The following EPB41L3 variants were observed in gnomAD, a reference collection of about 807,000 sequenced individuals.
EPB41L3 encodes the protein erythrocyte membrane protein band 4.1 like 3.
EPB41L3 carries 57 observed loss-of-function variants against 127.1 expected under a neutral mutation model. The ratio of observed to expected loss-of-function variants is 0.45; its 90% CI spans 0.36 to 0.56. EPB41L3 has a LOEUF of 0.56. Ranked by LOEUF, EPB41L3 falls within the 20% of genes least tolerant of loss-of-function variation. EPB41L3 has a pLI of 0.00. For missense variants in EPB41L3, 1,273 were observed against 1,372.2 expected, an observed-to-expected ratio of 0.93 and a Z score of 1.14; for synonymous variants, 572 against 549.5, an observed-to-expected ratio of 1.04 and a Z score of -0.57.
Position 5,445,560 on chromosome 18 carries a change from T to G in EPB41L3, c.382-316A>C, listed in dbSNP as rs77757897. On this transcript the variant is annotated intron_variant, in intron 3 of 22. Coordinates refer to ENST00000341928, the MANE Select transcript of EPB41L3 (RefSeq NM_012307.5). ...GCAACTGGGGAAAATAATGTGATGC[T>G]TGGAAGCCTAAATATGTGAAACATA... Among the ~76,000 whole-genome samples, 584 of 152,324 alleles carry G rather than the reference T, an allele frequency of 3.8e-3. 5 individuals carry two copies. Among genetic ancestry groups the G allele is most frequent in the African/African-American group, 0.014 (563 of 41,566 alleles).
At chr18:5,431,471 C>T (rs971488727) in intron 8 of EPB41L3, 1 of 152,090 alleles carries the variant, frequency 6.6e-6, no homozygotes, top group Non-Finnish European at 1.5e-5. Flanking sequence ...GTTGCGCTTG[C>T]TTAATTCTTT....
At chr18:5,496,930 T>G (rs989399645) in intron 1 of EPB41L3, among the ~76,000 whole-genome samples, 1 of 152,200 alleles carries the variant, frequency 6.6e-6, no homozygotes, top group Non-Finnish European at 1.5e-5. Flanking sequence ...AAATAAAAAG[T>G]GTCAGAGATA....
At position 5,607,435 on chromosome 18, in the gene EPB41L3, T is replaced by G. The variant is rs186641153; in HGVS notation, c.-306+4905A>C. 1.2e-4 allele frequency among the ~76,000 whole-genome samples: 18 copies of G among 152,282 alleles called. No individual in the cohort carries two copies. In the East Asian group the frequency reaches 3.5e-3, roughly 29 times the overall value. On this transcript the variant is annotated intron_variant, in intron 3 of 21. Transcript: ENST00000545076. ...CTTGAAAGAGGCAAGCAAGACGAGCTGACCAAGATAATTCTCTGCTTTTCA... is the reference window on the plus strand; with the variant it reads ...CTTGAAAGAGGCAAGCAAGACGAGCGGACCAAGATAATTCTCTGCTTTTCA...
At chr18:5,457,963 G>A (rs895974002) in intron 3 of EPB41L3, among the ~76,000 whole-genome samples, 2 of 152,118 alleles carry the variant, frequency 1.3e-5, no homozygotes, top group African/African-American at 4.8e-5. Context: ...TGTGGTCGGG[G>A]TAGCCTACCT....
chr18:5,536,052 T>C (rs1208349248), intron 1 of EPB41L3, among the ~76,000 whole-genome samples: 3 of 152,040 alleles, frequency 2.0e-5, no homozygotes, highest in African/African-American at 4.8e-5. Context: ...AAGAGGCACA[T>C]GGGAGAATGA....
chr18:5,456,665 T>C (rs1026819868), intron 3 of EPB41L3, among the ~76,000 whole-genome samples: 1 of 152,272 alleles, frequency 6.6e-6, no homozygotes, highest in African/African-American at 2.4e-5. Flanking sequence ...TAATACCCTG[T>C]TTGAGCCACT....
chr18:5,630,134 C>T (rs991575220), upstream of EPB41L3, among the ~76,000 whole-genome samples: 39 of 152,324 alleles, frequency 2.6e-4, no homozygotes, highest in African/African-American at 9.4e-4. Context: ...GGCGCAAGCC[C>T]TCTGTCCCCC....
At chr18:5,406,044 A>T (rs2143827048) in intron 16 of EPB41L3, among the ~76,000 whole-genome samples, 1 of 152,216 alleles carries the variant, frequency 6.6e-6, no homozygotes, top group Non-Finnish European at 1.5e-5. Flanking sequence ...GGGAAAACTT[A>T]AGTGGTCTTA....
chr18:5,601,276 T>C lies in EPB41L3; in HGVS notation c.-306+11064A>G, dbSNP rs530975849. Among the ~76,000 whole-genome samples, 7 of 152,248 alleles carry C rather than the reference T, an allele frequency of 4.6e-5. No homozygotes were observed. The South Asian group carries it at 1.0e-3, about 23-fold the overall frequency. On this transcript the variant is annotated intron_variant, in intron 3 of 21. Transcript: ENST00000545076. The stretch of plus-strand genomic sequence containing the variant: ...AGAGAAGGAGATAAGGCTTCAGAGA[T>C]AACACCATCAAACTTAGGTGATCAG...
chr18:5,511,654 T>C (rs576768091), intron 1 of EPB41L3, among the ~76,000 whole-genome samples: 205 of 152,196 alleles, frequency 1.3e-3, no homozygotes, highest in African/African-American at 4.7e-3. Flanking sequence ...TGATCCCCAG[T>C]GCTTAGTTCC....
chr18:5,441,534 C>A (rs182740648), intron 5 of EPB41L3, among the ~76,000 whole-genome samples: 57 of 150,702 alleles, frequency 3.8e-4, no homozygotes, highest in African/African-American at 1.3e-3. Flanking sequence ...GGCGCGATCT[C>A]GACTCACTGC....
At chr18:5,499,875 T>C (rs2148491414) in intron 1 of EPB41L3, among the ~76,000 whole-genome samples, 1 of 141,804 alleles carries the variant, frequency 7.1e-6, no homozygotes, top group East Asian at 2.0e-4. Flanking sequence ...TGTCTTCCTT[T>C]GCTGAAAAAG....
intron 1 of EPB41L3, among the ~76,000 whole-genome samples, chr18:5,513,852 C>T (rs1422274027): frequency 1.3e-5 from 2 of 152,094 alleles, no homozygotes; most frequent in Non-Finnish European, 2.9e-5. Context: ...AATATTGTCT[C>T]TTATAGTCAT....
chr18:5,558,333 T>C (rs1310853956), intron 3 of EPB41L3, among the ~76,000 whole-genome samples: 3 of 152,230 alleles, frequency 2.0e-5, no homozygotes, highest in Non-Finnish European at 4.4e-5. Context: ...TGAGGACTTA[T>C]TGGAGTCTGG....
intron 1 of EPB41L3, among the ~76,000 whole-genome samples, chr18:5,625,805 C>A (rs2094916935): frequency 6.6e-6 from 1 of 152,178 alleles, no homozygotes; most frequent in Non-Finnish European, 1.5e-5. Context: ...GATTTGGTGG[C>A]TCAGAGATCT....
intron 16 of EPB41L3, chr18:5,400,714 G>A: frequency 3.8e-6 from 2 of 529,900 alleles, no homozygotes; most frequent in East Asian, 7.4e-5. Flanking sequence ...ATTATTATCA[G>A]AAAGTAAGTC....
rs532074487 is a variant in EPB41L3, at chr18:5,543,642, G to A, written c.-12+271C>T. On this transcript the variant is annotated intron_variant, in intron 1 of 22. Coordinates refer to ENST00000341928, the MANE Select transcript of EPB41L3 (RefSeq NM_012307.5). This position sits in a 1 kb window ranked among gnomAD's most constrained non-coding sequence, Gnocchi z 5.2. ...GCCGGGGCTCAGGCTCTGCGCGCCG[G>A]CCCAGCCACTACTGCGCCGCGGCGG... Among the ~76,000 whole-genome samples the A allele has an allele frequency of 1.9e-3, 273 of 147,130 alleles. No individual in the cohort carries two copies. Among genetic ancestry groups the A allele is most frequent in the Admixed American group, 3.7e-3 (55 of 14,832 alleles).
At chr18:5,562,617 A>T (rs943227697) in intron 3 of EPB41L3, among the ~76,000 whole-genome samples, 3 of 152,264 alleles carry the variant, frequency 2.0e-5, no homozygotes, top group African/African-American at 7.2e-5. Flanking sequence ...AGAATGTAAT[A>T]GTGCCTGGCG....
chr18:5,530,095 T>C (rs949290851), intron 1 of EPB41L3, among the ~76,000 whole-genome samples: 1 of 152,162 alleles, frequency 6.6e-6, no homozygotes, highest in South Asian at 2.1e-4. Context: ...CTTCTACCAC[T>C]TCCTTAGTTC....
Sources: gnomAD v4.1 joint callset for allele counts (sites outside exome capture counted in the v4.1 genomes callset) on GRCh38, gnomAD v4.1.1 for gene constraint, Gnocchi (gnomAD v3.1) non-coding constraint, MANE v1.5 for transcripts, NCBI Gene and HGNC (gene_info 2026-07-23, HGNC 2026-07-21) for gene names.